PPP2R3A: variants seen among roughly 807,000 people sequenced by gnomAD.
The protein encoded by PPP2R3A is protein phosphatase 2 regulatory subunit B''alpha.
Under a neutral mutation model 106.9 loss-of-function variants are expected in PPP2R3A, and 80 were observed. The ratio of observed to expected loss-of-function variants is 0.75; its 90% CI spans 0.62 to 0.90. The LOEUF (loss-of-function observed/expected upper bound fraction) is 0.90, where lower values mean the gene tolerates loss of function less well. Among genes scored for constraint, PPP2R3A ranks in the 40% least tolerant of loss-of-function variants. The pLI is 0.00. For synonymous variants in PPP2R3A, 483 were observed against 468.3 expected, an observed-to-expected ratio of 1.03 and a Z score of -0.41; for missense variants, 1,386 against 1,350.4, an observed-to-expected ratio of 1.03 and a Z score of -0.41.
intron 3 of PPP2R3A, among the ~76,000 whole-genome samples, chr3:136,031,103 C>T (rs1934872495): frequency 6.6e-6 from 1 of 152,008 alleles, no homozygotes; most frequent in South Asian, 2.1e-4. Flanking sequence ...AGAAATGTTC[C>T]CTGTTCACTG....
intron 3 of PPP2R3A, among the ~76,000 whole-genome samples, chr3:136,031,779 G>A (rs1300306947): frequency 6.6e-6 from 1 of 152,140 alleles, no homozygotes; most frequent in East Asian, 1.9e-4. Flanking sequence ...CCTGCTTTAT[G>A]TTTTTGTTTA....
intron 13 of PPP2R3A, among the ~76,000 whole-genome samples, chr3:136,128,052 C>G (rs1938250939): frequency 6.6e-6 from 1 of 152,144 alleles, no homozygotes; most frequent in Non-Finnish European, 1.5e-5. Context: ...CGACCCACTG[C>G]AAAAACATGC....
At chr3:136,133,483 A>G (rs1359353821) in intron 13 of PPP2R3A, among the ~76,000 whole-genome samples, 1 of 152,184 alleles carries the variant, frequency 6.6e-6, no homozygotes, top group East Asian at 1.9e-4. Flanking sequence ...AGTTGGCAGT[A>G]ATGTGGAGAA....
chr3:135,980,780 T>G (rs1359881644), intron 1 of PPP2R3A, among the ~76,000 whole-genome samples: 1 of 151,922 alleles, frequency 6.6e-6, no homozygotes, highest in Non-Finnish European at 1.5e-5. Context: ...GAAGTTCCAC[T>G]CAGTTCAGCT....
intron 5 of PPP2R3A, among the ~76,000 whole-genome samples, chr3:136,060,951 CAATA>C (rs1447185218): frequency 1.3e-5 from 2 of 151,998 alleles, no homozygotes; most frequent in African/African-American, 4.8e-5. Context: ...AGCCATTCCA[CAATA>C]AATACATATT....
At position 136,014,771 on chromosome 3, in the gene PPP2R3A, C is replaced by T. The variant is rs764051525; in HGVS notation, c.1995+11278C>T. Among the ~76,000 whole-genome samples, 56 of 152,082 alleles carry T rather than the reference C, an allele frequency of 3.7e-4. 1 individual carries two copies. The highest frequency in any genetic ancestry group is 2.1e-3 in the Admixed American group (32 of 15,272). ...CCAGGTATATGATCATATCAGCAAACAGCGACAGTTTGACTTCTTCTTTAC... is the reference window on the plus strand; with the variant it reads ...CCAGGTATATGATCATATCAGCAAATAGCGACAGTTTGACTTCTTCTTTAC... On this transcript the variant is annotated intron_variant, in intron 2 of 13. Transcript: ENST00000264977.
intron 13 of PPP2R3A, among the ~76,000 whole-genome samples, chr3:136,138,695 A>ATTTTTTTTTTTTTTTTTTTTTTTTT (rs747811648): frequency 9.9e-5 from 5 of 50,644 alleles, no homozygotes; most frequent in African/African-American, 1.8e-4. Context: ...GAAATATTGA[A>ATTTTTTTTTTTTTTTTTTTTTTTTT]TTTTTTTTTT....
intron 13 of PPP2R3A, among the ~76,000 whole-genome samples, chr3:136,120,118 A>G (rs1386877303): frequency 7.2e-6 from 1 of 139,256 alleles, no homozygotes; most frequent in Admixed American, 7.4e-5. Context: ...GGACCTTAAC[A>G]TATCCAGGCC....
intron 10 of PPP2R3A, among the ~76,000 whole-genome samples, chr3:136,096,060 TA>T (rs775834742): frequency 1.3e-5 from 2 of 152,244 alleles, no homozygotes; most frequent in African/African-American, 2.4e-5. Context: ...AAGCCTACTT[TA>T]TAATAAAGTA....
intron 13 of PPP2R3A, chr3:136,106,743 G>A (rs1937524036): frequency 5.9e-6 from 1 of 170,662 alleles, no homozygotes; most frequent in African/African-American, 2.4e-5. Flanking sequence ...CCAACATGGA[G>A]AAACCCTGTC....
intron 9 of PPP2R3A, among the ~76,000 whole-genome samples, chr3:136,088,674 C>T (rs1371601425): frequency 6.6e-6 from 1 of 152,080 alleles, no homozygotes; most frequent in African/African-American, 2.4e-5. Context: ...ATCAACTGCT[C>T]TCCACCACAG....
At chr3:136,078,246 C>T (rs1936659500) in intron 6 of PPP2R3A, 121 bp from the exon 7 acceptor site, 2 of 706,256 alleles carry the variant, frequency 2.8e-6, no homozygotes, top group Non-Finnish European at 2.5e-6. Flanking sequence ...AGGAATTACA[C>T]TTAACATAAT....
chr3:136,011,994 TACACAC>T (rs35643220), intron 2 of PPP2R3A, among the ~76,000 whole-genome samples: 4 of 148,168 alleles, frequency 2.7e-5, no homozygotes, highest in Non-Finnish European at 6.0e-5. Context: ...CACACACACA[TACACAC>T]ACACACACAC....
chr3:136,134,606 G>C (rs953085293), intron 13 of PPP2R3A, among the ~76,000 whole-genome samples: 3 of 152,050 alleles, frequency 2.0e-5, no homozygotes, highest in Non-Finnish European at 4.4e-5. Flanking sequence ...ATATACACAA[G>C]CTAAAAGATA....
chr3:136,057,623 T>A (rs1374247333), intron 5 of PPP2R3A, among the ~76,000 whole-genome samples: 1 of 152,162 alleles, frequency 6.6e-6, no homozygotes, highest in African/African-American at 2.4e-5. Context: ...TTTACCTCAA[T>A]ACATTTTTAA....
chr3:136,092,269 G>A (rs1290470583), intron 10 of PPP2R3A, among the ~76,000 whole-genome samples: 1 of 152,162 alleles, frequency 6.6e-6, no homozygotes, highest in Non-Finnish European at 1.5e-5. Context: ...GGCAGAGGTT[G>A]CAGTGAGCTG....
intron 6 of PPP2R3A, among the ~76,000 whole-genome samples, chr3:136,077,463 G>A (rs901768175): frequency 6.6e-6 from 1 of 152,004 alleles, no homozygotes; most frequent in Non-Finnish European, 1.5e-5. Context: ...CAGGATTTCT[G>A]TATTATTAGA....
chr3:136,076,700 G>A (rs1936607036), intron 6 of PPP2R3A, among the ~76,000 whole-genome samples: 1 of 152,180 alleles, frequency 6.6e-6, no homozygotes, highest in South Asian at 2.1e-4. Context: ...TGTAATCCCA[G>A]CACTTTGGGA....
rs186400352 is a variant in PPP2R3A at position 136,146,619 on chromosome 3, A to G, written c.*1453A>G. The G allele has an allele frequency of 6.6e-6, 1 of 152,370 alleles. No individual in the cohort carries two copies. The highest frequency in any genetic ancestry group is 1.5e-5 in the Non-Finnish European group (1 of 68,032). 9.4% of individuals were successfully genotyped at this position (152,370 alleles called of 1,614,324 possible). ...CAAGCTCCCAGTTCCCTGTCATTTT[A>G]TCTTCATGATTAGAACTGATCTTCC... On this transcript the variant is annotated 3_prime_UTR_variant, in exon 14 of 14. Coordinates refer to ENST00000264977, the MANE Select transcript of PPP2R3A (RefSeq NM_002718.5).
Sources: allele counts gnomAD v4.1 joint callset (sites outside exome capture counted in the v4.1 genomes callset), GRCh38; gene constraint gnomAD v4.1.1; transcripts MANE v1.5; gene names NCBI Gene and HGNC (gene_info 2026-07-23, HGNC 2026-07-21).